CEMIP: variants seen among roughly 807,000 people sequenced by gnomAD.
The protein encoded by CEMIP is cell migration inducing hyaluronidase 1.
CEMIP carries 105 observed loss-of-function variants against 156.9 expected under a neutral mutation model. The observed-to-expected ratio is 0.67, with a 90% CI of 0.57 to 0.79. The LOEUF is 0.79. Among genes scored for constraint, CEMIP ranks in the 30% least tolerant of loss-of-function variants. The pLI, the probability that CEMIP is intolerant of heterozygous loss-of-function variation, is 0.00. For synonymous variants in CEMIP, 676 were observed against 668.4 expected (o/e 1.01, Z -0.17); for missense variants, 1,457 against 1,769.4 (o/e 0.82, Z 3.17).
intron 1 of CEMIP, among the ~76,000 whole-genome samples, chr15:80,788,923 C>T (rs2141572171): frequency 6.6e-6 from 1 of 152,252 alleles, no homozygotes; most frequent in South Asian, 2.1e-4. Context: ...AATATTGACC[C>T]TATCTTTATT....
At chr15:80,863,730 G>T (rs529480437) in intron 1 of CEMIP, among the ~76,000 whole-genome samples, 1 of 152,296 alleles carries the variant, frequency 6.6e-6, no homozygotes, top group African/African-American at 2.4e-5. Flanking sequence ...AGGCCTTTGG[G>T]GGCCCGGAGG....
chr15:80,921,707 C>A (rs553953473), intron 16 of CEMIP, among the ~76,000 whole-genome samples: 6 of 152,198 alleles, frequency 3.9e-5, no homozygotes, highest in Non-Finnish European at 7.3e-5. Context: ...CATGAAATCC[C>A]CCCATTGTGT....
intron 1 of CEMIP, among the ~76,000 whole-genome samples, chr15:80,811,783 G>A (rs548653809): frequency 1.5e-4 from 23 of 151,832 alleles, no homozygotes; most frequent in Middle Eastern, 3.4e-3. Context: ...TCTTGAACTC[G>A]TGAGCTCAAG....
rs1596161788 is a variant in CEMIP at position 80,889,501 on chromosome 15, A to G, written c.995A>G (p.Asp332Gly). The change falls in exon 10 of 30, where the codon GAT becomes GGT. Residue 332 changes from aspartate to glycine, a missense_variant. Asp to Gly is a moderately conservative substitution (Grantham distance 94, BLOSUM62 -1). Transcript: ENST00000394685. Reference sequence around the variant, plus strand: ...GAGTGGACGGAGTGGTTCGATCATGATAAAGTATCTCAGACTAAAGGTGGG... The same window carrying G: ...GAGTGGACGGAGTGGTTCGATCATGGTAAAGTATCTCAGACTAAAGGTGGG... ...DVEWTEWFDH[D>G]KVSQTKGGEK... 6.2e-7 allele frequency: 1 copy of G among 1,614,198 alleles called. No homozygotes were observed. Among genetic ancestry groups the G allele is most frequent in the East Asian group, 2.2e-5 (1 of 44,874 alleles).
chr15:80,886,190 G>A (rs914682356), intron 7 of CEMIP, among the ~76,000 whole-genome samples: 1 of 152,162 alleles, frequency 6.6e-6, no homozygotes, highest in Non-Finnish European at 1.5e-5. Flanking sequence ...AGGCCAAGCT[G>A]GTTCCCATAG....
Position 80,879,699 on chromosome 15 carries a change from C to G in CEMIP, c.242-17C>G, listed in dbSNP as rs1474601651. 6.2e-7 allele frequency: 1 copy of G among 1,614,028 alleles called. No homozygotes were observed. Among genetic ancestry groups the G allele is most frequent in the Non-Finnish European group, 8.5e-7 (1 of 1,180,012 alleles). On this transcript the variant is annotated splice_polypyrimidine_tract_variant and intron_variant, in intron 4 of 29. Transcript: ENST00000394685. Reference sequence around the variant, plus strand: ...AACACTGTGTTATTAAACCTCCCCCCAATGCTACCTCTTCAGGCAAGCTGG... The same window carrying G: ...AACACTGTGTTATTAAACCTCCCCCGAATGCTACCTCTTCAGGCAAGCTGG...
At chr15:80,866,184 G>A (rs574108667) in intron 1 of CEMIP, among the ~76,000 whole-genome samples, 7 of 152,282 alleles carry the variant, frequency 4.6e-5, no homozygotes, top group African/African-American at 9.6e-5. Context: ...GGGCGAGTCC[G>A]TGAGGGTGAA....
At chr15:80,923,788 G>T (rs926506665) in intron 17 of CEMIP, among the ~76,000 whole-genome samples, 7 of 152,178 alleles carry the variant, frequency 4.6e-5, no homozygotes, top group Non-Finnish European at 1.0e-4. Flanking sequence ...TAACCATCCT[G>T]TGACATAGGT....
intron 1 of CEMIP, among the ~76,000 whole-genome samples, chr15:80,811,716 G>A (rs768029892): frequency 2.6e-5 from 4 of 152,092 alleles, no homozygotes; most frequent in Non-Finnish European, 2.9e-5. Flanking sequence ...CACTAGGCCC[G>A]CCTAATGTTT....
chr15:80,891,782 T>A (rs1899040226), intron 10 of CEMIP, among the ~76,000 whole-genome samples: 1 of 152,210 alleles, frequency 6.6e-6, no homozygotes, highest in Non-Finnish European at 1.5e-5. Flanking sequence ...CACCAATCTT[T>A]AATCAATGGT....
At chr15:80,788,805 C>T (rs759525209) in intron 1 of CEMIP, among the ~76,000 whole-genome samples, 70 of 152,132 alleles carry the variant, frequency 4.6e-4, no homozygotes, top group Admixed American at 3.5e-3. Flanking sequence ...CTCTCTTCCG[C>T]TCCAACTGGT....
At position 80,887,783 on chromosome 15, in the gene CEMIP, G is replaced by A; in HGVS notation, c.868+19G>A. On this transcript the variant is annotated intron_variant, in intron 8 of 29. Coordinates refer to ENST00000394685, the MANE Select transcript of CEMIP (RefSeq NM_001293298.2). ...TATCATGGTAATACATAGCTGGCTG[G>A]AGGCCTGATTCCCTCCAGTGTCTCT... 1.9e-6 allele frequency: 3 copies of A among 1,593,592 alleles called. No homozygotes were observed. The highest frequency in any genetic ancestry group is 2.6e-6 in the Non-Finnish European group (3 of 1,162,106).
chr15:80,859,326 T>A (rs976329454), intron 1 of CEMIP, among the ~76,000 whole-genome samples: 10 of 152,366 alleles, frequency 6.6e-5, no homozygotes, highest in Non-Finnish European at 1.5e-4. Flanking sequence ...TCATTCATTT[T>A]GAATGTAGCA....
At chr15:80,944,203 C>A (rs1415997417) in intron 28 of CEMIP, among the ~76,000 whole-genome samples, 1 of 152,172 alleles carries the variant, frequency 6.6e-6, no homozygotes, top group Non-Finnish European at 1.5e-5. Context: ...TCGCTTGAAC[C>A]CAGGAGGCGG....
intron 1 of CEMIP, among the ~76,000 whole-genome samples, chr15:80,860,945 A>G (rs1193211311): frequency 1.3e-5 from 2 of 151,972 alleles, no homozygotes; most frequent in African/African-American, 2.4e-5. Context: ...GCCTGCTCCA[A>G]TGCCACCTTA....
intron 12 of CEMIP, among the ~76,000 whole-genome samples, chr15:80,898,940 C>T (rs190743195): frequency 4.6e-5 from 7 of 152,130 alleles, no homozygotes; most frequent in Non-Finnish European, 8.8e-5. Context: ...ACAGGCCGGG[C>T]GCGGTGGCTC....
intron 1 of CEMIP, among the ~76,000 whole-genome samples, chr15:80,854,681 G>A (rs1017702980): frequency 5.9e-5 from 9 of 152,084 alleles, no homozygotes; most frequent in Non-Finnish European, 8.8e-5. Context: ...GAATCCTCTC[G>A]AAACCTCAAT....
At chr15:80,874,933 T>C (rs1478832553) in intron 3 of CEMIP, among the ~76,000 whole-genome samples, 2 of 151,974 alleles carry the variant, frequency 1.3e-5, no homozygotes, top group African/African-American at 4.8e-5. Context: ...AACCCATTGA[T>C]AGAAGAGAAT....
At chr15:80,842,970 A>G (rs760953609) in intron 1 of CEMIP, among the ~76,000 whole-genome samples, 1 of 152,208 alleles carries the variant, frequency 6.6e-6, no homozygotes, top group Non-Finnish European at 1.5e-5. Flanking sequence ...TGAGTGGATG[A>G]CATTGTCACC....
Sources: gnomAD v4.1 joint callset for allele counts (sites outside exome capture counted in the v4.1 genomes callset) on GRCh38, gnomAD v4.1.1 for gene constraint, MANE v1.5 for transcripts, NCBI Gene and HGNC (gene_info 2026-07-23, HGNC 2026-07-21) for gene names.